SRBD1: variants seen among roughly 807,000 people sequenced by gnomAD.
The protein encoded by SRBD1 is S1 RNA-binding domain-containing protein 1.
In SRBD1, 88 loss-of-function variants were observed where a neutral mutation model predicts 115.3. The observed-to-expected ratio is 0.76, with a 90% CI of 0.64 to 0.91. The LOEUF is 0.91. SRBD1 is among the 40% of genes least tolerant of loss of function. The probability of loss-of-function intolerance (pLI) is 0.00; values close to 1 mark genes in which losing one functional copy is unlikely to be tolerated. For missense variants in SRBD1, 1,385 were observed against 1,177.4 expected (o/e 1.18, Z -2.58); for synonymous variants, 509 against 407.7 (o/e 1.25, Z -2.99).
chr2:45,430,568 T>C (rs919305384), intron 16 of SRBD1, among the ~76,000 whole-genome samples: 2 of 152,176 alleles, frequency 1.3e-5, no homozygotes, highest in Admixed American at 1.3e-4. Context: ...TAATAAATGG[T>C]GTTGGGAAAA....
chr2:45,532,072 T>G (rs1671630424), intron 14 of SRBD1, among the ~76,000 whole-genome samples: 1 of 151,688 alleles, frequency 6.6e-6, no homozygotes. Flanking sequence ...ACAAAAACAA[T>G]CTTGGGAGGG....
intron 10 of SRBD1, among the ~76,000 whole-genome samples, chr2:45,559,213 G>A (rs1424322947): frequency 6.6e-6 from 1 of 152,088 alleles, no homozygotes; most frequent in Non-Finnish European, 1.5e-5. Flanking sequence ...TGTGGCCTGA[G>A]TGATCTTAAA....
At chr2:45,404,287 G>C (rs1269349231) in intron 19 of SRBD1, among the ~76,000 whole-genome samples, 2 of 152,090 alleles carry the variant, frequency 1.3e-5, no homozygotes, top group Non-Finnish European at 2.9e-5. Context: ...ATCTTAAGTA[G>C]GCAGATACAG....
intron 14 of SRBD1, among the ~76,000 whole-genome samples, chr2:45,509,407 T>C (rs1271596652): frequency 6.6e-6 from 1 of 151,986 alleles, no homozygotes; most frequent in Admixed American, 6.6e-5. Flanking sequence ...CCATCCTGGC[T>C]AACACAGTGA....
chr2:45,536,654 G>A (rs1296964123), intron 14 of SRBD1, among the ~76,000 whole-genome samples: 2 of 152,012 alleles, frequency 1.3e-5, no homozygotes, highest in Non-Finnish European at 2.9e-5. Flanking sequence ...TTTTTCCAAG[G>A]AATATGGTAA....
intron 19 of SRBD1, among the ~76,000 whole-genome samples, chr2:45,403,825 C>T (rs1232797427): frequency 6.6e-6 from 1 of 151,982 alleles, no homozygotes; most frequent in Non-Finnish European, 1.5e-5. Context: ...TGCTTTTATC[C>T]CAGATGTGTC....
chr2:45,513,167 G>T (rs771388151), intron 14 of SRBD1, among the ~76,000 whole-genome samples: 2 of 152,076 alleles, frequency 1.3e-5, no homozygotes, highest in African/African-American at 2.4e-5. Flanking sequence ...TTTATCCCAT[G>T]GCTCCAGCAA....
At chr2:45,514,395 G>A (rs553398366) in intron 14 of SRBD1, among the ~76,000 whole-genome samples, 40 of 151,194 alleles carry the variant, frequency 2.6e-4, no homozygotes, top group African/African-American at 9.4e-4. Flanking sequence ...AGTTTCACAA[G>A]TGTATGAGTA....
intron 4 of SRBD1, among the ~76,000 whole-genome samples, chr2:45,592,515 G>A (rs1347954758): frequency 1.3e-5 from 2 of 152,052 alleles, no homozygotes; most frequent in African/African-American, 4.8e-5. Context: ...TTTCTTTCCT[G>A]TTCTAAAGCC....
intron 9 of SRBD1, among the ~76,000 whole-genome samples, chr2:45,565,235 G>C (rs578047017): frequency 1.3e-5 from 2 of 152,072 alleles, no homozygotes; most frequent in Non-Finnish European, 2.9e-5. Flanking sequence ...TTTCAAAACT[G>C]ACTACAAAGC....
At chr2:45,389,780 C>A (rs1666947497) in intron 20 of SRBD1, among the ~76,000 whole-genome samples, 181 bp from the exon 21 acceptor site, 2 of 152,154 alleles carry the variant, frequency 1.3e-5, no homozygotes, top group East Asian at 3.8e-4. Context: ...CAGTTGGAGA[C>A]AGCATTCATG....
intron 16 of SRBD1, among the ~76,000 whole-genome samples, chr2:45,433,613 T>C (rs564690448): frequency 3.3e-5 from 5 of 152,208 alleles, no homozygotes; most frequent in South Asian, 2.1e-4. Context: ...TGGGAAACAT[T>C]TGAGAAAACA....
chr2:45,434,096 T>C (rs965946456), intron 16 of SRBD1, among the ~76,000 whole-genome samples: 1 of 152,264 alleles, frequency 6.6e-6, no homozygotes, highest in African/African-American at 2.4e-5. Flanking sequence ...ACGCTGAAGA[T>C]TCCTTTACTG....
chr2:45,465,909 G>GA (rs1669472812), intron 16 of SRBD1, among the ~76,000 whole-genome samples: 1 of 152,096 alleles, frequency 6.6e-6, no homozygotes, highest in Admixed American at 6.6e-5. Flanking sequence ...AAAATTTGGA[G>GA]AGGCTGCAAA....
intron 14 of SRBD1, among the ~76,000 whole-genome samples, chr2:45,530,268 C>T (rs1023462157): frequency 2.3e-4 from 35 of 152,012 alleles, no homozygotes; most frequent in African/African-American, 4.8e-5. Flanking sequence ...TAATATCTTA[C>T]GATCCTTGAC....
At chr2:45,466,011 A>G (rs1387296673) in intron 16 of SRBD1, among the ~76,000 whole-genome samples, 1 of 152,210 alleles carries the variant, frequency 6.6e-6, no homozygotes, top group Non-Finnish European at 1.5e-5. Flanking sequence ...GAAATACTGA[A>G]TATCTACCAT....
At chr2:45,501,663 G>T (rs1354027235) in intron 14 of SRBD1, among the ~76,000 whole-genome samples, 1 of 152,158 alleles carries the variant, frequency 6.6e-6, no homozygotes, top group South Asian at 2.1e-4. Flanking sequence ...GGCTCGGAGG[G>T]TCCCACACCC....
chr2:45,584,183 A>T (rs2104193142), intron 5 of SRBD1, among the ~76,000 whole-genome samples: 1 of 152,182 alleles, frequency 6.6e-6, no homozygotes, highest in Non-Finnish European at 1.5e-5. Context: ...TTACGTAAAA[A>T]CTCAAATTAC....
At chr2:45,571,387 T>A (rs575349862) in intron 9 of SRBD1, among the ~76,000 whole-genome samples, 1 of 144,548 alleles carries the variant, frequency 6.9e-6, no homozygotes, top group Non-Finnish European at 1.5e-5. Context: ...AAACAAAATT[T>A]ACAAAAATAC....
Sources: gnomAD v4.1 joint callset for allele counts (sites outside exome capture counted in the v4.1 genomes callset) on GRCh38, gnomAD v4.1.1 for gene constraint, MANE v1.5 for transcripts, NCBI Gene and HGNC (gene_info 2026-07-23, HGNC 2026-07-21) for gene names.